Variants in FAT3 observed in about 807,000 individuals in gnomAD.
FAT3 encodes the protein FAT atypical cadherin 3.
In FAT3, 95 loss-of-function variants were observed where a neutral mutation model predicts 310.2. The ratio of observed to expected loss-of-function variants is 0.31; its 90% confidence interval spans 0.26 to 0.36. FAT3 has a LOEUF of 0.36. Among genes scored for constraint, FAT3 ranks in the 10% least tolerant of loss-of-function variants. FAT3 has a pLI of 1.00. For synonymous variants in FAT3, 2,314 were observed against 2,192.9 expected (o/e 1.06, Z -1.54); for missense variants, 5,408 against 5,715.6 (o/e 0.95, Z 1.74).
chr11:92,621,758 A>C lies in FAT3; in HGVS notation c.3608-75626A>C, dbSNP rs117541081. Among the ~76,000 whole-genome samples the C allele has an allele frequency of 3.2e-3, 481 of 152,354 alleles. 2 individuals are homozygous for C. The highest frequency in any genetic ancestry group is 5.3e-3 in the Non-Finnish European group (358 of 68,038). Reference sequence around the variant, plus strand: ...TGTTATTTGAATTGCTTGAATTCGTATATTAAGAATGGCATTAAAATTGTA... The same window carrying C: ...TGTTATTTGAATTGCTTGAATTCGTCTATTAAGAATGGCATTAAAATTGTA... On this transcript the variant is annotated intron_variant, in intron 3 of 27. Coordinates refer to ENST00000525166, the MANE Select transcript of FAT3 (RefSeq NM_001367949.2).
chr11:92,459,562 C>T (rs1951584075), intron 2 of FAT3, among the ~76,000 whole-genome samples: 2 of 152,196 alleles, frequency 1.3e-5, no homozygotes, highest in Admixed American at 1.3e-4. Context: ...TCACAACTCT[C>T]TCCAACTTCA....
At chr11:92,319,742 G>A (rs1947559313) in intron 1 of FAT3, among the ~76,000 whole-genome samples, 1 of 152,116 alleles carries the variant, frequency 6.6e-6, no homozygotes, top group Admixed American at 6.6e-5. Context: ...GGAAAACTGA[G>A]CTATGAATAT....
intron 1 of FAT3, among the ~76,000 whole-genome samples, chr11:92,228,846 A>AT (rs964057083): frequency 1.2e-4 from 18 of 151,186 alleles, no homozygotes; most frequent in South Asian, 2.1e-4. Context: ...AGGATATTTG[A>AT]TTTTTTTTTC....
In FAT3 at chr11:92,840,636, C is replaced by T. The variant is rs772283681; in HGVS notation, c.10443C>T (p.Pro3481=). 2.5e-6 allele frequency: 4 copies of T among 1,613,010 alleles called. No individual in the cohort carries two copies. Among genetic ancestry groups the T allele is most frequent in the South Asian group, 1.1e-5 (1 of 91,034 alleles). Residue 3481 remains proline, a synonymous_variant, in exon 18 of 28, where the codon CCC becomes CCT. Coordinates refer to ENST00000525166, the MANE Select transcript of FAT3 (RefSeq NM_001367949.2). ...TDRDSFHNGP[P]FSFSILSGNE... ...GAGACTCCTTTCACAATGGGCCTCC[C>T]TTTTCATTCTCTATTTTGTCGGGAA...
At chr11:92,853,259 C>A (rs532176167) in intron 19 of FAT3, among the ~76,000 whole-genome samples, 3 of 152,378 alleles carry the variant, frequency 2.0e-5, no homozygotes, top group African/African-American at 7.2e-5. Context: ...GGCGCCAGCT[C>A]AGGTACCAGC....
At chr11:92,823,247 C>A (rs1262566575) in intron 13 of FAT3, among the ~76,000 whole-genome samples, 3 of 152,168 alleles carry the variant, frequency 2.0e-5, no homozygotes. Flanking sequence ...AGCTATCCAG[C>A]ACAGACATTC....
chr11:92,719,639 G>GT, intron 4 of FAT3, among the ~76,000 whole-genome samples: 1 of 151,412 alleles, frequency 6.6e-6, no homozygotes, highest in African/African-American at 2.4e-5. Flanking sequence ...CAGTACAGAT[G>GT]TTTTTTTCTT....
chr11:92,329,434 A>G (rs1947850004), intron 1 of FAT3, among the ~76,000 whole-genome samples: 1 of 151,978 alleles, frequency 6.6e-6, no homozygotes, highest in Non-Finnish European at 1.5e-5. Flanking sequence ...CTTCCATAGT[A>G]AGTAGAAGCA....
chr11:92,264,904 A>T (rs1401693714), intron 1 of FAT3, among the ~76,000 whole-genome samples: 3 of 152,116 alleles, frequency 2.0e-5, no homozygotes, highest in Non-Finnish European at 4.4e-5. Context: ...TTTGAAATCC[A>T]CATCTCCTTG....
intron 1 of FAT3, among the ~76,000 whole-genome samples, chr11:92,330,493 G>T (rs1947887442): frequency 6.6e-6 from 1 of 152,174 alleles, no homozygotes; most frequent in Non-Finnish European, 1.5e-5. Flanking sequence ...ATGCTTTCAG[G>T]AACATGATTT....
At chr11:92,751,866 G>C (rs1372310964) in intron 4 of FAT3, among the ~76,000 whole-genome samples, 1 of 152,114 alleles carries the variant, frequency 6.6e-6, no homozygotes, top group Non-Finnish European at 1.5e-5. Context: ...TCACTTTCCG[G>C]CTGAATGGCC....
intron 7 of FAT3, among the ~76,000 whole-genome samples, chr11:92,778,499 G>A (rs528898195): frequency 4.6e-5 from 7 of 152,102 alleles, no homozygotes; most frequent in African/African-American, 1.2e-4. Context: ...TAACAAACCC[G>A]TGCAAATCAG....
At chr11:92,347,054 T>A (rs1334995744) in intron 1 of FAT3, among the ~76,000 whole-genome samples, 1 of 152,224 alleles carries the variant, frequency 6.6e-6, no homozygotes, top group Non-Finnish European at 1.5e-5. Context: ...TCGGTAGGCA[T>A]TATTGTTCTC....
intron 17 of FAT3, 61 bp downstream of exon 17, chr11:92,837,867 T>C: frequency 6.2e-7 from 1 of 1,600,830 alleles, no homozygotes; most frequent in Middle Eastern, 1.8e-4. Flanking sequence ...TCCTCTGCTG[T>C]GGTTTACTCA....
chr11:92,541,978 A>C (rs1197406041), intron 3 of FAT3, among the ~76,000 whole-genome samples: 1 of 152,118 alleles, frequency 6.6e-6, no homozygotes, highest in Non-Finnish European at 1.5e-5. Flanking sequence ...TACCTAGGGA[A>C]ACTACAGAAA....
At chr11:92,402,663 T>C (rs1330261246) in intron 2 of FAT3, among the ~76,000 whole-genome samples, 1 of 141,966 alleles carries the variant, frequency 7.0e-6, no homozygotes, top group Non-Finnish European at 1.5e-5. Context: ...ACCTGGGAGG[T>C]TGAGATGGCA....
At chr11:92,835,728 C>T (rs1948388670) in intron 15 of FAT3, among the ~76,000 whole-genome samples, 1 of 152,106 alleles carries the variant, frequency 6.6e-6, no homozygotes, top group Non-Finnish European at 1.5e-5. Flanking sequence ...GTCCCCCTTT[C>T]CCCCTACACA....
chr11:92,270,715 A>G (rs1946102238), intron 1 of FAT3, among the ~76,000 whole-genome samples: 2 of 151,956 alleles, frequency 1.3e-5, no homozygotes, highest in African/African-American at 4.8e-5. Context: ...TAAATATTAT[A>G]TATTGGCTAT....
intron 2 of FAT3, among the ~76,000 whole-genome samples, chr11:92,470,047 A>T (rs1951867644): frequency 2.0e-5 from 3 of 152,122 alleles, no homozygotes. Context: ...TATAGTATTT[A>T]TTTTCATTAT....
Sources: allele counts gnomAD v4.1 joint callset (sites outside exome capture counted in the v4.1 genomes callset), GRCh38; gene constraint gnomAD v4.1.1; transcripts MANE v1.5; gene names NCBI Gene and HGNC (gene_info 2026-07-23, HGNC 2026-07-21).